ERBB4: variants seen among roughly 807,000 people sequenced by gnomAD.
ERBB4 encodes erb-b2 receptor tyrosine kinase 4, also known as receptor tyrosine-protein kinase erbB-4.
Under a neutral mutation model 158.0 loss-of-function variants are expected in ERBB4, and 42 were observed. The ratio of observed to expected loss-of-function variants is 0.27; its 90% CI spans 0.21 to 0.34. The LOEUF (loss-of-function observed/expected upper bound fraction) is 0.34, where lower values mean the gene tolerates loss of function less well. ERBB4 is among the 10% of genes least tolerant of loss of function. The pLI is 1.00. For synonymous variants in ERBB4, 583 were observed against 558.7 expected (o/e 1.04, Z -0.61); for missense variants, 1,333 against 1,624.1 (o/e 0.82, Z 3.08).
At chr2:211,866,149 G>A (rs1172778352) in intron 3 of ERBB4, among the ~76,000 whole-genome samples, 3 of 152,148 alleles carry the variant, frequency 2.0e-5, no homozygotes, top group African/African-American at 7.2e-5. Flanking sequence ...TACTCGGGAG[G>A]CTGGGGCAGG....
At chr2:211,704,362 G>T (rs1232523545) in intron 10 of ERBB4, among the ~76,000 whole-genome samples, 168 bp from the exon 11 acceptor site, 1 of 152,172 alleles carries the variant, frequency 6.6e-6, no homozygotes, top group African/African-American at 2.4e-5. Flanking sequence ...TTCCAAGATT[G>T]AGTGTCCTAC....
chr2:212,096,123 T>C (rs2078926673), intron 2 of ERBB4, among the ~76,000 whole-genome samples: 2 of 152,016 alleles, frequency 1.3e-5, no homozygotes, highest in African/African-American at 4.8e-5. Flanking sequence ...AAAAAACTTT[T>C]AATTTATAAA....
chr2:211,876,753 G>GTA (rs1213479993), intron 3 of ERBB4, among the ~76,000 whole-genome samples: 2 of 152,102 alleles, frequency 1.3e-5, no homozygotes, highest in African/African-American at 4.8e-5. Flanking sequence ...ATGTTTAAAT[G>GTA]TATATACATA....
chr2:212,478,077 A>G (rs1450067146), intron 1 of ERBB4, among the ~76,000 whole-genome samples: 1 of 152,170 alleles, frequency 6.6e-6, no homozygotes, highest in African/African-American at 2.4e-5. Context: ...AACCCAATCA[A>G]CTAACTTGAG....
chr2:211,616,370 A>G (rs2069390783), intron 19 of ERBB4, among the ~76,000 whole-genome samples: 1 of 152,100 alleles, frequency 6.6e-6, no homozygotes, highest in Non-Finnish European at 1.5e-5. Context: ...AAAATAAATG[A>G]CTTTCACATT....
At position 212,318,534 on chromosome 2, in the gene ERBB4, C is replaced by CA. The variant is rs77344896; in HGVS notation, c.83-193632dup. Among the ~76,000 whole-genome samples the CA allele has an allele frequency of 2.5e-3, 381 of 150,482 alleles. 1 individual carries two copies. The highest frequency in any genetic ancestry group is 8.8e-3 in the African/African-American group (360 of 40,834). On this transcript the variant is annotated intron_variant, in intron 1 of 27. Transcript: ENST00000342788. ...CTCTATAGAAAGAGAGAGAAAAAGA[C>CA]AAAAAAAAATCAGAAAAAAAAGAAG...
At chr2:212,487,404 C>A (rs1298136294) in intron 1 of ERBB4, among the ~76,000 whole-genome samples, 1 of 151,990 alleles carries the variant, frequency 6.6e-6, no homozygotes, top group Non-Finnish European at 1.5e-5. Flanking sequence ...ATAAAATTCA[C>A]TTTAGCAAAC....
chr2:212,053,073 A>G (rs920459662), intron 2 of ERBB4, among the ~76,000 whole-genome samples: 1 of 152,170 alleles, frequency 6.6e-6, no homozygotes, highest in Admixed American at 6.5e-5. Flanking sequence ...AGCCCAGCAC[A>G]TTGAGAGGCC....
chr2:211,612,168 T>C (rs2069225115), intron 19 of ERBB4, among the ~76,000 whole-genome samples: 1 of 152,010 alleles, frequency 6.6e-6, no homozygotes, highest in African/African-American at 2.4e-5. Flanking sequence ...TTGGGAAAAA[T>C]ATCACAGAAA....
At chr2:211,737,096 AG>A (rs1275198228) in intron 5 of ERBB4, among the ~76,000 whole-genome samples, 2 of 152,204 alleles carry the variant, frequency 1.3e-5, no homozygotes, top group Non-Finnish European at 2.9e-5. Context: ...AAGTAACTAC[AG>A]ATATGCAGAA....
rs766383460 is a variant in ERBB4, at chr2:212,534,849, T to C, written c.82+3600A>G. Among the ~76,000 whole-genome samples, 77 of 152,148 alleles carry C rather than the reference T, an allele frequency of 5.1e-4. 1 individual carries two copies. The highest frequency in any genetic ancestry group is 1.9e-4 in the East Asian group (1 of 5,196). ...GAAATACGATTTTCCATCAAATAAA[T>C]GCAAACTCTAAAAATCAGCCAATGC... On this transcript the variant is annotated intron_variant, in intron 1 of 27. Transcript: ENST00000342788.
chr2:211,594,528 A>G (rs1226208175), intron 19 of ERBB4, among the ~76,000 whole-genome samples: 1 of 152,168 alleles, frequency 6.6e-6, no homozygotes, highest in Non-Finnish European at 1.5e-5. Flanking sequence ...TATGACATCA[A>G]ATATGGAATG....
intron 1 of ERBB4, among the ~76,000 whole-genome samples, chr2:212,404,765 C>T (rs2091299921): frequency 6.6e-6 from 1 of 151,890 alleles, no homozygotes; most frequent in Non-Finnish European, 1.5e-5. Flanking sequence ...AAGCCCAGTA[C>T]CTAATAGTTA....
intron 15 of ERBB4, among the ~76,000 whole-genome samples, chr2:211,661,025 T>C (rs2071403687): frequency 6.6e-6 from 1 of 151,812 alleles, no homozygotes; most frequent in African/African-American, 2.4e-5. Flanking sequence ...AAATTGGAGA[T>C]AGAAAAATAG....
intron 3 of ERBB4, among the ~76,000 whole-genome samples, chr2:211,834,410 C>A (rs2077291958): frequency 6.7e-6 from 1 of 150,196 alleles, no homozygotes; most frequent in Non-Finnish European, 1.5e-5. Flanking sequence ...AGAGTAGGGG[C>A]AAAATACATA....
At chr2:211,478,135 T>A (rs1432632129) in intron 20 of ERBB4, among the ~76,000 whole-genome samples, 1 of 152,126 alleles carries the variant, frequency 6.6e-6, no homozygotes, top group Non-Finnish European at 1.5e-5. Context: ...ATTAATGGGA[T>A]CACTAAAACA....
intron 4 of ERBB4, among the ~76,000 whole-genome samples, chr2:211,775,908 C>G (rs540860886): frequency 3.9e-5 from 6 of 152,222 alleles, no homozygotes; most frequent in African/African-American, 1.4e-4. Context: ...TAATCTATAA[C>G]TTTTTTAGGG....
At chr2:212,104,563 T>A (rs528089073) in intron 2 of ERBB4, among the ~76,000 whole-genome samples, 1 of 152,192 alleles carries the variant, frequency 6.6e-6, no homozygotes, top group African/African-American at 2.4e-5. Context: ...AAAAAGTAGG[T>A]ACCATTAATA....
At chr2:212,522,951 G>A (rs1409722921) in intron 1 of ERBB4, among the ~76,000 whole-genome samples, 2 of 151,980 alleles carry the variant, frequency 1.3e-5, no homozygotes, top group African/African-American at 4.8e-5. Context: ...AGGAGAGGTG[G>A]TAGATCAGAA....
Sources: gnomAD v4.1 joint callset for allele counts (sites outside exome capture counted in the v4.1 genomes callset) on GRCh38, gnomAD v4.1.1 for gene constraint, MANE v1.5 for transcripts, NCBI Gene and HGNC (gene_info 2026-07-23, HGNC 2026-07-21) for gene names.